BBC3: variants seen among roughly 807,000 people sequenced by gnomAD.
BBC3 encodes the protein BCL2 binding component 3, also known as bcl-2-binding component 3.
BBC3 carries 5 observed loss-of-function variants against 18.2 expected under a neutral mutation model. That is an observed-to-expected ratio of 0.27 (90% CI 0.14 to 0.58). The LOEUF is 0.58. BBC3 is among the 20% of genes least tolerant of loss of function. The pLI is 0.91. For missense variants in BBC3, 224 were observed against 268.9 expected, an observed-to-expected ratio of 0.83 and a Z score of 1.17; for synonymous variants, 119 against 128.0, an observed-to-expected ratio of 0.93 and a Z score of 0.47.
intron 2 of BBC3, 149 bp from the exon 3 acceptor site, chr19:47,226,903 A>G: frequency 1.4e-6 from 1 of 692,192 alleles, no homozygotes. Flanking sequence ...CTTCTCCTCC[A>G]CAGGCACCAG....
rs2058863530 is a variant in BBC3 at position 47,228,267 on chromosome 19, G to A, written c.165C>T (p.Pro55=). ...AAAPAAPTLL[P]AAYLCAPTAP... The stretch of plus-strand genomic sequence containing the variant: ...CGGTGGGGGCGCAGAGGTAGGCAGC[G>A]GGCAGCAGGGTGGGGGCGGCGGGGG... The change falls in exon 2 of 4, where the codon CCC becomes CCT. Residue 55 remains proline (P), a synonymous_variant. Coordinates refer to ENST00000439096, the MANE Select transcript of BBC3 (RefSeq NM_014417.5). This position sits in a 1 kb window ranked among gnomAD's most constrained non-coding sequence, Gnocchi z 5.5. 2 of 1,216,870 alleles carry A rather than the reference G, an allele frequency of 1.6e-6. No homozygotes were observed. Among genetic ancestry groups the A allele is most frequent in the Non-Finnish European group, 2.0e-6 (2 of 978,346 alleles). The allele number at this position is 1,216,870 out of a possible 1,614,324, so 75.4% of individuals were successfully genotyped here.
At chr19:47,226,167 T>A (rs1278025556) in intron 3 of BBC3, among the ~76,000 whole-genome samples, 1 of 151,436 alleles carries the variant, frequency 6.6e-6, no homozygotes, top group East Asian at 1.9e-4. Flanking sequence ...TGTGTGGCGC[T>A]GCGGGCCGCG....
upstream of BBC3, among the ~76,000 whole-genome samples, chr19:47,232,137 A>AG (rs1476699475): frequency 6.6e-6 from 1 of 152,226 alleles, no homozygotes; most frequent in Non-Finnish European, 1.5e-5. Flanking sequence ...GGACTGCCTG[A>AG]GGTCAGGAAT....
upstream of BBC3, chr19:47,232,657 T>C (rs2123406413): frequency 6.8e-7 from 1 of 1,466,870 alleles, no homozygotes; most frequent in East Asian, 2.5e-5. Context: ...TGTTACTTCC[T>C]GCCCTGCTCT....
chr19:47,226,973 C>T (rs1434495161), intron 2 of BBC3: 5 of 437,454 alleles, frequency 1.1e-5, no homozygotes, highest in East Asian at 3.6e-5. Context: ...GCTACGTCCC[C>T]ACGGCCCTTG....
Position 47,227,368 on chromosome 19 carries a change from C to G in BBC3, c.275-614G>C, listed in dbSNP as rs374920047. ...AGGAGGCTCCTGCCCTCCCGTCCCACCAGGTCCTGGCCTGAGGGTTCCCTA... is the reference window on the plus strand; with the variant it reads ...AGGAGGCTCCTGCCCTCCCGTCCCAGCAGGTCCTGGCCTGAGGGTTCCCTA... On this transcript the variant is annotated intron_variant, in intron 2 of 3. Coordinates refer to ENST00000439096, the MANE Select transcript of BBC3 (RefSeq NM_014417.5). Among the ~76,000 whole-genome samples the G allele has an allele frequency of 8.6e-5, 13 of 150,480 alleles. No individual in the cohort carries two copies. The South Asian group carries it at 1.3e-3, about 15-fold the overall frequency.
rs914013024 is a variant in BBC3, at chr19:47,230,104, A to T, written c.-16+825T>A. Among the ~76,000 whole-genome samples, 7 of 151,746 alleles carry T rather than the reference A, an allele frequency of 4.6e-5. No individual in the cohort carries two copies. Among genetic ancestry groups the T allele is most frequent in the Non-Finnish European group, 7.4e-5 (5 of 67,938 alleles). Reference sequence around the variant, plus strand: ...GCAGGCACCACAGACCCCCAGTATCATCCCGGAACAGCACACACAGACAAC... The same window carrying T: ...GCAGGCACCACAGACCCCCAGTATCTTCCCGGAACAGCACACACAGACAAC... On this transcript the variant is annotated intron_variant, in intron 1 of 3. Transcript: ENST00000439096. This position sits in a 1 kb window ranked among gnomAD's most constrained non-coding sequence, Gnocchi z 6.7.
chr19:47,231,322 A>G (rs1268292879), upstream of BBC3: 3 of 555,372 alleles, frequency 5.4e-6, no homozygotes, highest in Non-Finnish European at 6.9e-6. The surrounding 1 kb of genome is among the most constrained non-coding windows in gnomAD (Gnocchi z 4.0). Context: ...CCCGCCGCGG[A>G]CAAGTCAGGA....
At position 47,230,830 on chromosome 19, in the gene BBC3, C is replaced by A. The variant is rs1368474219; in HGVS notation, c.-16+99G>T. On this transcript the variant is annotated intron_variant, in intron 1 of 3. Coordinates refer to ENST00000439096, the MANE Select transcript of BBC3 (RefSeq NM_014417.5). This position sits in a 1 kb window ranked among gnomAD's most constrained non-coding sequence, Gnocchi z 6.7. Reference sequence around the variant, plus strand: ...AGGCGCGGTGTGGGGAGGCAGGGCGCCCACACTGCTCTCCGCCTGCACTCC... The same window carrying A: ...AGGCGCGGTGTGGGGAGGCAGGGCGACCACACTGCTCTCCGCCTGCACTCC... The A allele has an allele frequency of 1.0e-6, 1 of 984,862 alleles. No individual in the cohort carries two copies. The highest frequency in any genetic ancestry group is 1.7e-5 in the African/African-American group (1 of 57,182). The allele number at this position is 984,862 out of a possible 1,614,324, so 61.0% of individuals were successfully genotyped here.
At chr19:47,223,122 T>C (rs2058770808) in intron 3 of BBC3, among the ~76,000 whole-genome samples, 1 of 149,644 alleles carries the variant, frequency 6.7e-6, no homozygotes, top group Non-Finnish European at 1.5e-5. Flanking sequence ...TACAAAAAAA[T>C]TAGCCGGGTG....
At chr19:47,229,715 A>G (rs1473635096) in intron 1 of BBC3, among the ~76,000 whole-genome samples, 1 of 151,888 alleles carries the variant, frequency 6.6e-6, no homozygotes, top group Non-Finnish European at 1.5e-5. Context: ...CCCACCGTCT[A>G]CACTGCATAG....
rs947372607 is a variant in BBC3 at position 47,221,436 on chromosome 19, C to CA, written c.*365_*366insT. ...AGCACCGAGAGGAGAGCCCCCCCCT[C>CA]CCAGTGTCACCCCTGCAGCTGGAAC... On this transcript the variant is annotated 3_prime_UTR_variant, in exon 4 of 4. Coordinates refer to ENST00000439096, the MANE Select transcript of BBC3 (RefSeq NM_014417.5). 5 of 250,322 alleles carry CA rather than the reference C, an allele frequency of 2.0e-5. 1 individual carries two copies. The South Asian group carries it at 2.5e-4, about 12-fold the overall frequency. The allele number at this position is 250,322 out of a possible 1,614,324, so 15.5% of individuals were successfully genotyped here.
intron 3 of BBC3, chr19:47,222,208 TCCCCCAAGGG>T (rs2058760132): frequency 3.2e-6 from 1 of 314,996 alleles, no homozygotes. Context: ...GAGAAAGACA[TCCCCCAAGGG>T]GCTGAAGGAT....
At chr19:47,232,471 C>T, upstream of BBC3, 1 of 1,499,346 alleles carries the variant, frequency 6.7e-7, no homozygotes. Flanking sequence ...TGCTAACTGG[C>T]CCACTGCACA....
Position 47,230,705 on chromosome 19 carries a change from G to C in BBC3, c.-16+224C>G, listed in dbSNP as rs981032095. 7 of 984,052 alleles carry C rather than the reference G, an allele frequency of 7.1e-6. No homozygotes were observed. Among genetic ancestry groups the C allele is most frequent in the Non-Finnish European group, 8.4e-6 (7 of 828,876 alleles). 61.0% of individuals were successfully genotyped at this position (984,052 alleles called of 1,614,324 possible). On this transcript the variant is annotated intron_variant, in intron 1 of 3. Transcript: ENST00000439096. This position sits in a 1 kb window ranked among gnomAD's most constrained non-coding sequence, Gnocchi z 6.7. ...CACCCCATTGTTTGTAAACAAACCC[G>C]CCAGACCGCCGAGGCACCTGTGCGC...
At chr19:47,231,221 G>A, upstream of BBC3, 1 of 981,356 alleles carries the variant, frequency 1.0e-6, no homozygotes, top group Non-Finnish European at 1.2e-6. This position sits in a 1 kb window ranked among gnomAD's most constrained non-coding sequence, Gnocchi z 4.0. Flanking sequence ...CGGATCCCGG[G>A]CCCGCTCCAA....
At chr19:47,231,833 C>T (rs1442115875), upstream of BBC3, among the ~76,000 whole-genome samples, 2 of 152,136 alleles carry the variant, frequency 1.3e-5, no homozygotes, top group Non-Finnish European at 2.9e-5. The surrounding 1 kb of genome is among the most constrained non-coding windows in gnomAD (Gnocchi z 4.0). Context: ...AACAACCCTA[C>T]CGAACAGGCA....
intron 2 of BBC3, 108 bp from the exon 3 acceptor site, chr19:47,226,862 T>C (rs916057763): frequency 1.4e-4 from 137 of 987,614 alleles, no homozygotes; most frequent in Admixed American, 6.6e-4. Context: ...TCATTTCTAG[T>C]GATCCCATCG....
chr19:47,228,114 C>G lies in BBC3; in HGVS notation c.274+44G>C. The G allele has an allele frequency of 8.2e-7, 1 of 1,219,338 alleles. No individual in the cohort carries two copies. Among genetic ancestry groups the G allele is most frequent in the Middle Eastern group, 3.2e-4 (1 of 3,122 alleles). The allele number at this position is 1,219,338 out of a possible 1,614,324, so 75.5% of individuals were successfully genotyped here. A position where few individuals can be genotyped will look rare whatever the true frequency, so the allele number is the denominator to read the frequency against. ...AGTTCCTCCGAGTCTCCAGCCCTCTCTCTTCCCGGCTCCTATCACCCCGGG... is the reference window on the plus strand; with the variant it reads ...AGTTCCTCCGAGTCTCCAGCCCTCTGTCTTCCCGGCTCCTATCACCCCGGG... On this transcript the variant is annotated intron_variant, in intron 2 of 3. Coordinates refer to ENST00000439096, the MANE Select transcript of BBC3 (RefSeq NM_014417.5). This position sits in a 1 kb window ranked among gnomAD's most constrained non-coding sequence, Gnocchi z 5.5.
Sources: gnomAD v4.1 joint callset for allele counts (sites outside exome capture counted in the v4.1 genomes callset) on GRCh38, gnomAD v4.1.1 for gene constraint, Gnocchi (gnomAD v3.1) non-coding constraint, MANE v1.5 for transcripts, NCBI Gene and HGNC (gene_info 2026-07-23, HGNC 2026-07-21) for gene names.